Variants in CCDC178 observed in about 807,000 individuals in gnomAD.
CCDC178 encodes coiled-coil domain containing 178.
In CCDC178, 126 loss-of-function variants were observed where a neutral mutation model predicts 117.4. That is an observed-to-expected ratio of 1.07 (90% CI 0.93 to 1.24). CCDC178 has a LOEUF of 1.24. CCDC178 is among the 50% of genes most tolerant of loss of function. The probability of loss-of-function intolerance (pLI) is 0.00; values close to 1 mark genes in which losing one functional copy is unlikely to be tolerated. For synonymous variants in CCDC178, 283 were observed against 313.4 expected, an observed-to-expected ratio of 0.90 and a Z score of 1.02; for missense variants, 1,030 against 986.9, an observed-to-expected ratio of 1.04 and a Z score of -0.59.
At chr18:33,359,155 G>A (rs1195648987) in intron 6 of CCDC178, among the ~76,000 whole-genome samples, 2 of 151,728 alleles carry the variant, frequency 1.3e-5, no homozygotes, top group African/African-American at 2.4e-5. Context: ...AATGAATTGT[G>A]ATATAATTAT....
At chr18:33,030,778 TAAG>T (rs1250042841) in intron 21 of CCDC178, among the ~76,000 whole-genome samples, 2 of 152,072 alleles carry the variant, frequency 1.3e-5, no homozygotes, top group Non-Finnish European at 2.9e-5. Flanking sequence ...GACAGATAGA[TAAG>T]AAGATAGATA....
intron 21 of CCDC178, among the ~76,000 whole-genome samples, chr18:32,979,247 C>T (rs2055094311): frequency 6.6e-6 from 1 of 151,944 alleles, no homozygotes; most frequent in South Asian, 2.1e-4. Flanking sequence ...ACATTGCTTC[C>T]TGGGTTCAAA....
chr18:33,166,041 A>G (rs1319961753), intron 20 of CCDC178, among the ~76,000 whole-genome samples: 1 of 152,218 alleles, frequency 6.6e-6, no homozygotes, highest in Non-Finnish European at 1.5e-5. Flanking sequence ...ATATTAAGGT[A>G]TCAGCAGTTG....
chr18:33,263,415 A>G (rs947621460), intron 14 of CCDC178, among the ~76,000 whole-genome samples: 8 of 152,196 alleles, frequency 5.3e-5, no homozygotes, highest in African/African-American at 1.7e-4. Context: ...ATTTGTACAT[A>G]AATCATAGGT....
chr18:33,006,181 T>A (rs1029092172), intron 21 of CCDC178, among the ~76,000 whole-genome samples: 3 of 152,056 alleles, frequency 2.0e-5, no homozygotes, highest in Non-Finnish European at 2.9e-5. Flanking sequence ...AAATAACTTA[T>A]TTAAGATTGA....
chr18:33,189,433 TTA>T (rs1170551646), intron 20 of CCDC178, among the ~76,000 whole-genome samples: 2 of 152,316 alleles, frequency 1.3e-5, no homozygotes, highest in Non-Finnish European at 2.9e-5. Flanking sequence ...GTATTCATAT[TTA>T]TATGTTTACA....
In CCDC178 at chr18:33,389,573, C is replaced by T. The variant is rs761166564; in HGVS notation, c.175G>A (p.Gly59Ser). ...LYGASKENSE[G>S]FHESKMTNTE... ...TTTGTCATTTTACTTTCATGAAAACCTTCACTGTTCTCCTTAGAGGCTCCA... is the reference window on the plus strand; with the variant it reads ...TTTGTCATTTTACTTTCATGAAAACTTTCACTGTTCTCCTTAGAGGCTCCA... The change falls in exon 5 of 23, where the codon GGT (glycine) becomes AGT (serine). Residue 59 changes from glycine to serine, a missense_variant. Coordinates refer to ENST00000383096, the MANE Select transcript of CCDC178 (RefSeq NM_001105528.4). The T allele has an allele frequency of 2.3e-5, 35 of 1,523,838 alleles. No homozygotes were observed. Among genetic ancestry groups the T allele is most frequent in the Middle Eastern group, 1.7e-4 (1 of 5,738 alleles). The allele number at this position is 1,523,838 out of a possible 1,614,324, so 94.4% of individuals were successfully genotyped here.
intron 21 of CCDC178, among the ~76,000 whole-genome samples, chr18:33,029,147 T>C: frequency 6.6e-6 from 1 of 151,960 alleles, no homozygotes; most frequent in Non-Finnish European, 1.5e-5. Context: ...CATCTGAGCC[T>C]GGGATTTTCT....
Position 33,226,732 on chromosome 18 carries a change from A to C in CCDC178, c.1656+61T>G, listed in dbSNP as rs2059306627. The stretch of plus-strand genomic sequence containing the variant: ...AGATGCCTCATTACAGGCAAATTTA[A>C]AATGCTAAGTAAAATGCAAATTAAA... On this transcript the variant is annotated intron_variant, in intron 16 of 22. Transcript: ENST00000383096. 7.2e-6 allele frequency: 9 copies of C among 1,253,850 alleles called. No individual in the cohort carries two copies. In the East Asian group the frequency reaches 2.2e-4, roughly 30 times the overall value. 77.7% of individuals were successfully genotyped at this position (1,253,850 alleles called of 1,614,324 possible). A position where few individuals can be genotyped will look rare whatever the true frequency, so the allele number is the denominator to read the frequency against.
In CCDC178 at chr18:33,245,560, T is replaced by C. The variant is rs568394422; in HGVS notation, c.1410-132A>G. 23 of 990,600 alleles carry C rather than the reference T, an allele frequency of 2.3e-5. No homozygotes were observed. In the East Asian group the frequency reaches 7.3e-4, roughly 31 times the overall value. 61.4% of individuals were successfully genotyped at this position (990,600 alleles called of 1,614,324 possible). On this transcript the variant is annotated intron_variant, in intron 14 of 22. Transcript: ENST00000383096. ...AAATTGCTGGATAATTAGCTAAAAC[T>C]TGAAGACAGAACATGTGTCCTAGGA...
chr18:33,270,452 CTG>C (rs2059873794), intron 12 of CCDC178, among the ~76,000 whole-genome samples: 1 of 151,456 alleles, frequency 6.6e-6, no homozygotes, highest in Non-Finnish European at 1.5e-5. Context: ...CACAATCAAA[CTG>C]TCAAAAGTCA....
intron 20 of CCDC178, among the ~76,000 whole-genome samples, chr18:33,111,691 C>T (rs1004675039): frequency 6.6e-6 from 1 of 151,622 alleles, no homozygotes; most frequent in Non-Finnish European, 1.5e-5. Context: ...ATGGGAATAA[C>T]AGGTTTCAAA....
intron 15 of CCDC178, among the ~76,000 whole-genome samples, chr18:33,227,532 ATGTG>A (rs750171342): frequency 0.061 from 7,452 of 121,240 alleles, 241 homozygotes; most frequent in Middle Eastern, 0.086. Context: ...AGATATATGT[ATGTG>A]TGTGTGTGTG....
At chr18:32,966,276 T>G (rs1016536711) in intron 22 of CCDC178, among the ~76,000 whole-genome samples, 6 of 151,804 alleles carry the variant, frequency 4.0e-5, no homozygotes, top group Non-Finnish European at 8.8e-5. Flanking sequence ...TTTTCTTGGA[T>G]TCTTTGTTCC....
rs186373996 is a variant in CCDC178, at chr18:33,213,332, C to T, written c.2079-1277G>A. On this transcript the variant is annotated intron_variant, in intron 19 of 22. Transcript: ENST00000383096. Reference sequence around the variant, plus strand: ...TTGTTTACAGTTAGTGGATGTGAGCCTCTTCTTCTACAGGAAATAAGGTTC... The same window carrying T: ...TTGTTTACAGTTAGTGGATGTGAGCTTCTTCTTCTACAGGAAATAAGGTTC... Among the ~76,000 whole-genome samples the T allele has an allele frequency of 9.9e-5, 15 of 152,100 alleles. No homozygotes were observed. In the East Asian group the frequency reaches 2.9e-3, roughly 29 times the overall value.
chr18:33,387,940 G>A (rs1329933626), intron 5 of CCDC178, among the ~76,000 whole-genome samples: 2 of 152,238 alleles, frequency 1.3e-5, no homozygotes, highest in African/African-American at 4.8e-5. Flanking sequence ...CAGAATGGGA[G>A]AAAATTTTTG....
chr18:33,006,066 A>C (rs2055743085), intron 21 of CCDC178, among the ~76,000 whole-genome samples: 1 of 152,102 alleles, frequency 6.6e-6, no homozygotes, highest in Non-Finnish European at 1.5e-5. Context: ...TATCATACAT[A>C]AGGATCTGTG....
At chr18:33,096,381 T>C (rs892739693) in intron 20 of CCDC178, among the ~76,000 whole-genome samples, 2 of 136,754 alleles carry the variant, frequency 1.5e-5, no homozygotes, top group Admixed American at 7.3e-5. Context: ...ATATTTTATA[T>C]AAAAATATAA....
chr18:33,369,961 T>A (rs1363294152), intron 6 of CCDC178, 89 bp downstream of exon 6: 1 of 1,084,266 alleles, frequency 9.2e-7, no homozygotes, highest in African/African-American at 1.6e-5. Flanking sequence ...ATTTAAAAAG[T>A]CCAGAGTTTC....
Sources: gnomAD v4.1 joint callset for allele counts (sites outside exome capture counted in the v4.1 genomes callset) on GRCh38, gnomAD v4.1.1 for gene constraint, MANE v1.5 for transcripts, NCBI Gene and HGNC (gene_info 2026-07-23, HGNC 2026-07-21) for gene names.